WWTR1: variants seen among roughly 807,000 people sequenced by gnomAD.
The protein encoded by WWTR1 is WW domain containing transcription regulator 1.
WWTR1 carries 13 observed loss-of-function variants against 40.1 expected under a neutral mutation model. The observed-to-expected ratio is 0.32, with a 90% confidence interval of 0.21 to 0.52. The LOEUF (loss-of-function observed/expected upper bound fraction) is 0.52. WWTR1 is among the 20% of genes least tolerant of loss of function. The pLI is 0.97. For synonymous variants in WWTR1, 230 were observed against 210.1 expected, an observed-to-expected ratio of 1.09 and a Z score of -0.82; for missense variants, 436 against 523.1, an observed-to-expected ratio of 0.83 and a Z score of 1.63.
chr3:149,723,627 A>G (rs943910597), intron 4 of WWTR1, among the ~76,000 whole-genome samples: 2 of 151,828 alleles, frequency 1.3e-5, no homozygotes, highest in African/African-American at 4.8e-5. Context: ...TGATTTTCCA[A>G]CTCCAATCAC....
chr3:149,678,642 G>A (rs35094309), intron 1 of WWTR1, among the ~76,000 whole-genome samples: 9,053 of 152,018 alleles, frequency 0.06, 310 homozygotes, highest in Non-Finnish European at 0.082. Context: ...ATTTCTTTAT[G>A]TACCAGCTGC....
At chr3:149,662,177 T>TAAAAAA (rs113524876), upstream of WWTR1, among the ~76,000 whole-genome samples, 54 of 150,558 alleles carry the variant, frequency 3.6e-4, no homozygotes, top group African/African-American at 1.3e-3. Flanking sequence ...GAAACCATGT[T>TAAAAAA]AAAAAAAAAC....
intron 2 of WWTR1, among the ~76,000 whole-genome samples, chr3:149,667,954 T>C (rs1180122799): frequency 6.6e-6 from 1 of 152,210 alleles, no homozygotes; most frequent in Non-Finnish European, 1.5e-5. Context: ...ACCCTTGAGA[T>C]CTACCTGTCA....
chr3:149,677,733 G>C (rs752804298), intron 1 of WWTR1, among the ~76,000 whole-genome samples: 9 of 152,090 alleles, frequency 5.9e-5, no homozygotes, highest in Non-Finnish European at 1.2e-4. Context: ...CCAGTTACTC[G>C]GGAGGCTGAG....
chr3:149,535,368 GA>G (rs1175301358), intron 4 of WWTR1, among the ~76,000 whole-genome samples: 1 of 152,004 alleles, frequency 6.6e-6, no homozygotes, highest in Non-Finnish European at 1.5e-5. Flanking sequence ...CTTTACGGGG[GA>G]CGGCGGGGGG....
chr3:149,586,399 TAAAG>T (rs142913684), intron 2 of WWTR1, among the ~76,000 whole-genome samples: 2,286 of 152,074 alleles, frequency 0.015, 24 homozygotes, highest in Non-Finnish European at 0.018. Context: ...ACTCGCAAGA[TAAAG>T]AAAGATGAAA....
In WWTR1 at chr3:149,572,958, C is replaced by G. The variant is rs534445202; in HGVS notation, c.474G>C (p.Ala158=). The change falls in exon 3 of 7, where the codon GCG becomes GCC. Residue 158 remains alanine (A), a synonymous_variant. Transcript: ENST00000360632. ...TCATATGATTCAGAGGCTGATTCATCGCCTTCCTAGGGTCTTGCCATGTGG... is the reference window on the plus strand; with the variant it reads ...TCATATGATTCAGAGGCTGATTCATGGCCTTCCTAGGGTCTTGCCATGTGG... ...KITTWQDPRK[A]MNQPLNHMNL... 1 of 1,612,690 alleles carries G rather than the reference C, an allele frequency of 6.2e-7. No individual in the cohort carries two copies. Among genetic ancestry groups the G allele is most frequent in the African/African-American group, 1.3e-5 (1 of 74,728 alleles).
At chr3:149,528,050 TCAC>T (rs1237410258) in intron 4 of WWTR1, 81 bp from the exon 5 acceptor site, 4 of 1,519,286 alleles carry the variant, frequency 2.6e-6, no homozygotes, top group Non-Finnish European at 3.5e-6. Context: ...TCAAAACTTT[TCAC>T]CAAATACAAA....
chr3:149,563,673 T>A (rs1298375414), intron 3 of WWTR1, among the ~76,000 whole-genome samples: 1 of 152,210 alleles, frequency 6.6e-6, no homozygotes, highest in African/African-American at 2.4e-5. Context: ...ACTGAACGAT[T>A]GAGTAGGTTC....
chr3:149,551,028 G>A (rs1342700835), intron 3 of WWTR1, among the ~76,000 whole-genome samples: 1 of 144,358 alleles, frequency 6.9e-6, no homozygotes, highest in East Asian at 2.1e-4. Flanking sequence ...AGCCGGCACG[G>A]TGGCTCAGGC....
chr3:149,629,621 C>T (rs766715339), intron 2 of WWTR1, among the ~76,000 whole-genome samples: 69 of 152,314 alleles, frequency 4.5e-4, no homozygotes, highest in African/African-American at 1.6e-3. Context: ...TGAAGATATT[C>T]TTCTCTGTCA....
At chr3:149,653,333 G>C (rs1441426377) in intron 2 of WWTR1, among the ~76,000 whole-genome samples, 1 of 152,184 alleles carries the variant, frequency 6.6e-6, no homozygotes, top group Non-Finnish European at 1.5e-5. Flanking sequence ...CAACACCCCA[G>C]CCTGATTCAT....
chr3:149,537,070 T>C (rs1210690913), intron 4 of WWTR1, among the ~76,000 whole-genome samples: 1 of 152,262 alleles, frequency 6.6e-6, no homozygotes, highest in Non-Finnish European at 1.5e-5. Flanking sequence ...TCTCAATGTC[T>C]GACCTGTGAC....
chr3:149,642,729 C>T lies in WWTR1; in HGVS notation c.431+14147G>A, dbSNP rs796548245. ...GGCGGAGCTTGCAGTGAGCCGAGAT[C>T]GGGCCACTGCACTCCAGCCTGGGCG... is the stretch of plus-strand genomic sequence containing the variant. On this transcript the variant is annotated intron_variant, in intron 2 of 6. Coordinates refer to ENST00000360632, the MANE Select transcript of WWTR1 (RefSeq NM_015472.6). Among the ~76,000 whole-genome samples the T allele has an allele frequency of 6.3e-4, 94 of 149,678 alleles. 1 individual carries two copies. Among genetic ancestry groups the T allele is most frequent in the African/African-American group, 2.2e-3 (88 of 40,630 alleles).
intron 6 of WWTR1, among the ~76,000 whole-genome samples, chr3:149,525,072 G>A (rs963476002): frequency 6.6e-6 from 1 of 152,244 alleles, no homozygotes; most frequent in East Asian, 1.9e-4. Flanking sequence ...AAAGGTAATC[G>A]GGAAGCCTGG....
intron 3 of WWTR1, among the ~76,000 whole-genome samples, chr3:149,555,022 T>C (rs60581858): frequency 0.12 from 18,675 of 152,306 alleles, 1,370 homozygotes; most frequent in Middle Eastern, 0.18. Context: ...ATGGAAACTC[T>C]GATTCATGCA....
intron 2 of WWTR1, among the ~76,000 whole-genome samples, chr3:149,665,565 T>C (rs541866530): frequency 1.3e-5 from 2 of 152,270 alleles, no homozygotes; most frequent in East Asian, 1.9e-4. Flanking sequence ...TGGTTAAGTA[T>C]ATCTAACAGC....
chr3:149,636,076 T>C (rs573886686), intron 2 of WWTR1, among the ~76,000 whole-genome samples: 1 of 152,294 alleles, frequency 6.6e-6, no homozygotes, highest in Non-Finnish European at 1.5e-5. Context: ...AATGAATAAG[T>C]AATTTAGAAT....
At chr3:149,538,170 T>A (rs1735919060) in intron 4 of WWTR1, among the ~76,000 whole-genome samples, 1 of 152,206 alleles carries the variant, frequency 6.6e-6, no homozygotes, top group South Asian at 2.1e-4. Context: ...TCTGCCCGCC[T>A]TGGCTTCCCG....
Sources: gnomAD v4.1 joint callset for allele counts (sites outside exome capture counted in the v4.1 genomes callset) on GRCh38, gnomAD v4.1.1 for gene constraint, MANE v1.5 for transcripts, NCBI Gene and HGNC (gene_info 2026-07-23, HGNC 2026-07-21) for gene names.